Variants in SPTA1 observed in about 807,000 individuals in gnomAD.
SPTA1 encodes spectrin alpha chain, erythrocytic 1.
SPTA1 carries 177 observed loss-of-function variants against 324.7 expected under a neutral mutation model. The ratio of observed to expected loss-of-function variants is 0.55; its 90% CI spans 0.48 to 0.62. The LOEUF (loss-of-function observed/expected upper bound fraction) is 0.62. SPTA1 is among the 20% of genes least tolerant of loss of function. The probability of loss-of-function intolerance (pLI) is 0.00; values close to 1 mark genes in which losing one functional copy is unlikely to be tolerated. For missense variants in SPTA1, 3,162 were observed against 2,883.6 expected (o/e 1.10, Z -2.21); for synonymous variants, 1,195 against 1,041.3 (o/e 1.15, Z -2.84).
intron 5 of SPTA1, among the ~76,000 whole-genome samples, chr1:158,679,627 A>G (rs889267050): frequency 2.0e-5 from 3 of 152,028 alleles, no homozygotes; most frequent in Admixed American, 2.0e-4. Flanking sequence ...GCCACCTTAG[A>G]TCCTTCACCC....
At chr1:158,658,692 C>T (rs1652997737) in intron 18 of SPTA1, among the ~76,000 whole-genome samples, 1 of 151,948 alleles carries the variant, frequency 6.6e-6, no homozygotes, top group East Asian at 1.9e-4. Flanking sequence ...CAAGTTATAG[C>T]ATAATCAAGT....
intron 29 of SPTA1, 64 bp downstream of exon 29, chr1:158,645,124 A>G: frequency 6.4e-7 from 1 of 1,560,528 alleles, no homozygotes. Context: ...TGTAATGACC[A>G]TATGAAATTG....
chr1:158,626,803 T>C, intron 41 of SPTA1, 36 bp downstream of exon 41: 1 of 1,612,690 alleles, frequency 6.2e-7, no homozygotes, highest in Non-Finnish European at 8.5e-7. Context: ...TTAGGGTTTC[T>C]CAAACCCAAG....
intron 11 of SPTA1, 149 bp from the exon 12 acceptor site, chr1:158,671,602 A>C: frequency 1.4e-6 from 1 of 702,752 alleles, no homozygotes; most frequent in Non-Finnish European, 2.5e-6. Context: ...AACTTTAAAC[A>C]GCAGGAGTTT....
At chr1:158,637,102 T>C (rs1470575586) in intron 36 of SPTA1, among the ~76,000 whole-genome samples, 1 of 152,216 alleles carries the variant, frequency 6.6e-6, no homozygotes, top group African/African-American at 2.4e-5. Context: ...GTGAAAATTA[T>C]ATATGACCTC....
At chr1:158,629,508 A>C (rs1650542433) in intron 39 of SPTA1, among the ~76,000 whole-genome samples, 1 of 152,012 alleles carries the variant, frequency 6.6e-6, no homozygotes, top group African/African-American at 2.4e-5. Context: ...AACCATCAAC[A>C]AACTAAGAAC....
intron 39 of SPTA1, among the ~76,000 whole-genome samples, chr1:158,631,659 TA>T (rs1650684336): frequency 1.3e-5 from 2 of 152,222 alleles, no homozygotes; most frequent in Admixed American, 1.3e-4. Flanking sequence ...GAAATTTCCC[TA>T]AAAAGGCATG....
Position 158,648,663 on chromosome 1 carries a change from A to G in SPTA1, c.3570-10T>C, listed in dbSNP as rs778416287. ...CGTGTCATCTGCTTCTCTGGTATAC[A>G]AGAGAGTAGAGAGTTCAAAAGTAAG... On this transcript the variant is annotated splice_polypyrimidine_tract_variant and intron_variant, in intron 25 of 51. Coordinates refer to ENST00000643759, the MANE Select transcript of SPTA1 (RefSeq NM_003126.4). The G allele has an allele frequency of 6.2e-7, 1 of 1,613,264 alleles. No homozygotes were observed. The highest frequency in any genetic ancestry group is 1.1e-5 in the South Asian group (1 of 91,056).
rs1301932330 is a variant in SPTA1 at position 158,648,660 on chromosome 1, T to C, written c.3570-7A>G. 6.2e-7 allele frequency: 1 copy of C among 1,613,310 alleles called. No individual in the cohort carries two copies. The highest frequency in any genetic ancestry group is 8.5e-7 in the Non-Finnish European group (1 of 1,179,772). On this transcript the variant is annotated splice_region_variant and splice_polypyrimidine_tract_variant and intron_variant, in intron 25 of 51. Transcript: ENST00000643759. ...CTTCGTGTCATCTGCTTCTCTGGTATACAAGAGAGTAGAGAGTTCAAAAGT... is the reference window on the plus strand; with the variant it reads ...CTTCGTGTCATCTGCTTCTCTGGTACACAAGAGAGTAGAGAGTTCAAAAGT...
chr1:158,681,764 C>T (rs1341083026), intron 3 of SPTA1, 97 bp from the exon 4 acceptor site: 1 of 1,474,518 alleles, frequency 6.8e-7, no homozygotes, highest in Non-Finnish European at 9.4e-7. Context: ...AAAAATTCTT[C>T]TCTCAGTTAC....
In SPTA1 at chr1:158,624,544, G is replaced by A. The variant is rs531375575; in HGVS notation, c.5911-1352C>T. On this transcript the variant is annotated intron_variant, in intron 42 of 51. Coordinates refer to ENST00000643759, the MANE Select transcript of SPTA1 (RefSeq NM_003126.4). ...TGTTTTGGCCAATTTATCCCATTTG[G>A]AATTAGTATATTTACCCAAAGCCTG... Among the ~76,000 whole-genome samples, 29 of 152,268 alleles carry A rather than the reference G, an allele frequency of 1.9e-4. No individual in the cohort carries two copies. In the South Asian group the frequency reaches 5.6e-3, roughly 29 times the overall value.
chr1:158,677,668 C>G (rs1376402880), intron 7 of SPTA1, 22 bp downstream of exon 7: 2 of 1,612,492 alleles, frequency 1.2e-6, no homozygotes, highest in African/African-American at 2.7e-5. Context: ...ACGGGTTAGC[C>G]ATTTCTCTAA....
chr1:158,666,369 G>T lies in SPTA1; in HGVS notation c.2167C>A (p.Gln723Lys). The T allele has an allele frequency of 6.2e-7, 1 of 1,613,910 alleles. No individual in the cohort carries two copies. The highest frequency in any genetic ancestry group is 1.1e-5 in the South Asian group (1 of 91,074). ...AGGCCGTGTTTCCTGAGTCGATTCT[G>T]TACCTCGGCCAGGCCTTTCCCATAA... ...EDYGKGLAEV[Q>K]NRLRKHGLLE... Residue 723 changes from glutamine (Q) to lysine (K), a missense_variant, in exon 16 of 52, where the codon CAG (glutamine) becomes AAG (lysine). Coordinates refer to ENST00000643759, the MANE Select transcript of SPTA1 (RefSeq NM_003126.4).
In SPTA1 at chr1:158,611,327, C is replaced by G; in HGVS notation, c.7197G>C (p.Arg2399=). 1 of 1,613,788 alleles carries G rather than the reference C, an allele frequency of 6.2e-7. No individual in the cohort carries two copies. The highest frequency in any genetic ancestry group is 1.3e-5 in the African/African-American group (1 of 74,994). Reference sequence around the variant, plus strand: ...CATAGCCAGAGAGATGGCTTCGACCCCGTGGGTCCATATATTGCTGCATAT... The same window carrying G: ...CATAGCCAGAGAGATGGCTTCGACCGCGTGGGTCCATATATTGCTGCATAT... ...ATHMQQYMDP[R]GRSHLSGYDY... The change falls in exon 52 of 52, where the codon CGG becomes CGC. Residue 2399 remains arginine, a synonymous_variant. Transcript: ENST00000643759.
At chr1:158,630,645 T>G (rs560149651) in intron 39 of SPTA1, among the ~76,000 whole-genome samples, 1 of 151,052 alleles carries the variant, frequency 6.6e-6, no homozygotes, top group South Asian at 2.1e-4. Context: ...CAAATGGGAG[T>G]ATATAAAGCT....
intron 51 of SPTA1, 134 bp from the exon 52 acceptor site, chr1:158,611,523 A>G: frequency 1.1e-6 from 1 of 924,972 alleles, no homozygotes; most frequent in Non-Finnish European, 1.6e-6. Context: ...TCTATTACAC[A>G]CAATTTTTAT....
chr1:158,670,222 C>T (rs946697577), intron 12 of SPTA1, among the ~76,000 whole-genome samples: 22 of 152,170 alleles, frequency 1.4e-4, no homozygotes, highest in Admixed American at 1.2e-3. Context: ...CTAGCTATAT[C>T]TCTATCTCTA....
chr1:158,647,010 C>A (rs1277815211), intron 27 of SPTA1, among the ~76,000 whole-genome samples: 1 of 152,118 alleles, frequency 6.6e-6, no homozygotes, highest in Non-Finnish European at 1.5e-5. Context: ...TTCTCCTTAC[C>A]ACCCCCTCCC....
At chr1:158,667,140 A>G (rs1303517253) in intron 15 of SPTA1, among the ~76,000 whole-genome samples, 1 of 151,644 alleles carries the variant, frequency 6.6e-6, no homozygotes, top group Non-Finnish European at 1.5e-5. Flanking sequence ...TTGTTTTTCT[A>G]AACCAAAAAT....
Sources: allele counts gnomAD v4.1 joint callset (sites outside exome capture counted in the v4.1 genomes callset), GRCh38; gene constraint gnomAD v4.1.1; transcripts MANE v1.5; gene names NCBI Gene and HGNC (gene_info 2026-07-23, HGNC 2026-07-21).